Variants in STPG2 observed in about 807,000 individuals in gnomAD.
The protein encoded by STPG2 is sperm tail PG-rich repeat containing 2, also known as sperm-tail PG-rich repeat-containing protein 2.
Under a neutral mutation model 54.2 loss-of-function variants are expected in STPG2, and 56 were observed. The ratio of observed to expected loss-of-function variants is 1.03; its 90% CI spans 0.83 to 1.29. STPG2 has a LOEUF of 1.29. Among genes scored for constraint, STPG2 ranks in the 50% most tolerant of loss-of-function variants. STPG2 has a pLI of 0.00. For missense variants in STPG2, 596 were observed against 544.9 expected, an observed-to-expected ratio of 1.09 and a Z score of -0.93; for synonymous variants, 200 against 181.8, an observed-to-expected ratio of 1.10 and a Z score of -0.81.
downstream of STPG2, among the ~76,000 whole-genome samples, chr4:97,555,200 C>T (rs1732049653): frequency 6.6e-6 from 1 of 152,164 alleles, no homozygotes; most frequent in East Asian, 1.9e-4. Flanking sequence ...TTTCAGAGAA[C>T]TATGGTAATT....
chr4:97,538,333 G>C (rs559639335), intron 4 of STPG2, among the ~76,000 whole-genome samples: 1 of 152,270 alleles, frequency 6.6e-6, no homozygotes, highest in East Asian at 1.9e-4. Context: ...AACCGATGCA[G>C]AGAACTCCTT....
At chr4:97,999,859 T>C (rs925297918) in intron 5 of STPG2, among the ~76,000 whole-genome samples, 3 of 152,178 alleles carry the variant, frequency 2.0e-5, no homozygotes, top group Admixed American at 6.6e-5. Flanking sequence ...AAATACACAT[T>C]GGAAGTGATC....
intron 10 of STPG2, among the ~76,000 whole-genome samples, chr4:97,701,054 C>T (rs942096015): frequency 6.6e-6 from 1 of 152,192 alleles, no homozygotes; most frequent in African/African-American, 2.4e-5. Flanking sequence ...CTTTCATATC[C>T]TTGATAGTGG....
chr4:97,485,356 A>T (rs1338605829), intron 4 of STPG2, among the ~76,000 whole-genome samples: 1 of 151,916 alleles, frequency 6.6e-6, no homozygotes, highest in Non-Finnish European at 1.5e-5. Context: ...AGAATTCAAC[A>T]ACGTTTCTGG....
intron 10 of STPG2, among the ~76,000 whole-genome samples, chr4:97,711,035 T>A (rs1200408767): frequency 6.6e-6 from 1 of 151,660 alleles, no homozygotes; most frequent in African/African-American, 2.4e-5. Context: ...ATTAAATTTA[T>A]AAAATCTTAA....
intron 10 of STPG2, among the ~76,000 whole-genome samples, chr4:97,590,437 G>A (rs930343947): frequency 6.6e-6 from 1 of 152,052 alleles, no homozygotes; most frequent in Non-Finnish European, 1.5e-5. Flanking sequence ...GAAGGTATGT[G>A]TAGGACAACT....
At chr4:97,471,892 T>TC (rs1292592930) in intron 4 of STPG2, among the ~76,000 whole-genome samples, 1 of 152,190 alleles carries the variant, frequency 6.6e-6, no homozygotes, top group Admixed American at 6.6e-5. Context: ...AAACAAGTTT[T>TC]CATACAGCAG....
chr4:97,449,840 A>G (rs1259411325), intron 4 of STPG2, among the ~76,000 whole-genome samples: 2 of 152,204 alleles, frequency 1.3e-5, no homozygotes, highest in East Asian at 3.9e-4. Flanking sequence ...GTGAGAGCAC[A>G]CAGCCAGGGC....
intron 4 of STPG2, among the ~76,000 whole-genome samples, chr4:97,548,812 G>A (rs1050564972): frequency 6.6e-5 from 10 of 152,132 alleles, no homozygotes; most frequent in Non-Finnish European, 8.8e-5. Flanking sequence ...CACAAGGTAT[G>A]TTAGAGAAAA....
chr4:97,924,510 A>C (rs1732260770), intron 8 of STPG2, among the ~76,000 whole-genome samples: 1 of 152,232 alleles, frequency 6.6e-6, no homozygotes, highest in Non-Finnish European at 1.5e-5. Context: ...TATGTTAAGC[A>C]TATCAGTGAC....
chr4:98,124,561 G>A (rs1040041866), intron 3 of STPG2, among the ~76,000 whole-genome samples: 1 of 152,084 alleles, frequency 6.6e-6, no homozygotes, highest in African/African-American at 2.4e-5. Context: ...TTCTCTGATG[G>A]GCTTCCCTTT....
intron 9 of STPG2, among the ~76,000 whole-genome samples, chr4:97,818,892 T>C (rs1183476624): frequency 6.7e-6 from 1 of 149,720 alleles, no homozygotes; most frequent in Non-Finnish European, 1.5e-5. Flanking sequence ...ATAATCATTC[T>C]CAAATTATGT....
intron 8 of STPG2, among the ~76,000 whole-genome samples, chr4:97,883,961 G>A (rs758414639): frequency 9.9e-5 from 15 of 152,156 alleles, no homozygotes; most frequent in Non-Finnish European, 1.8e-4. Context: ...TAGGAACAGA[G>A]GATGTGGTGG....
At chr4:97,615,379 A>G (rs1733835256) in intron 10 of STPG2, among the ~76,000 whole-genome samples, 1 of 152,088 alleles carries the variant, frequency 6.6e-6, no homozygotes, top group South Asian at 2.1e-4. Context: ...CTTTGATTTG[A>G]CAATATATTG....
chr4:97,944,590 A>C (rs1733129020), intron 7 of STPG2, among the ~76,000 whole-genome samples: 1 of 152,124 alleles, frequency 6.6e-6, no homozygotes, highest in African/African-American at 2.4e-5. Flanking sequence ...GTATTCATTT[A>C]ATTAAATAGA....
In STPG2 at chr4:97,741,807, G is replaced by A. The variant is rs1380592226; in HGVS notation, c.1205-28993C>T. 5.9e-5 allele frequency among the ~76,000 whole-genome samples: 9 copies of A among 151,960 alleles called. No individual in the cohort carries two copies. In the South Asian group the frequency reaches 8.3e-4, roughly 14 times the overall value. ...CAACCATTGTGGAAGTCAGTGTGGCGATTCCTCAGGGATCTAGAACTAGAA... is the reference window on the plus strand; with the variant it reads ...CAACCATTGTGGAAGTCAGTGTGGCAATTCCTCAGGGATCTAGAACTAGAA... On this transcript the variant is annotated intron_variant, in intron 9 of 10. Transcript: ENST00000295268.
At chr4:97,693,606 A>T (rs1723452325) in intron 10 of STPG2, among the ~76,000 whole-genome samples, 1 of 152,180 alleles carries the variant, frequency 6.6e-6, no homozygotes, top group African/African-American at 2.4e-5. Flanking sequence ...TACTCCACTG[A>T]CAGCACTAGA....
chr4:98,116,631 A>G (rs548128291), intron 3 of STPG2, among the ~76,000 whole-genome samples: 100 of 152,072 alleles, frequency 6.6e-4, no homozygotes, highest in Non-Finnish European at 1.2e-3. Context: ...TTACTCAAAT[A>G]TTTAAGATAC....
intron 10 of STPG2, among the ~76,000 whole-genome samples, chr4:97,711,403 C>T (rs909918433): frequency 1.3e-5 from 2 of 152,128 alleles, no homozygotes; most frequent in Admixed American, 1.3e-4. Context: ...AGTCACCTAG[C>T]ATAGATCCTA....
Sources: allele counts gnomAD v4.1 joint callset (sites outside exome capture counted in the v4.1 genomes callset), GRCh38; gene constraint gnomAD v4.1.1; transcripts MANE v1.5; gene names NCBI Gene and HGNC (gene_info 2026-07-23, HGNC 2026-07-21).